Variants in PCDHA8 observed in about 807,000 individuals in gnomAD.
PCDHA8 encodes the protein protocadherin alpha 8, also known as protocadherin alpha-8.
In PCDHA8, 53 loss-of-function variants were observed where a neutral mutation model predicts 61.8. The observed-to-expected ratio is 0.86, with a 90% CI of 0.69 to 1.08. PCDHA8 has a LOEUF of 1.08. Among genes scored for constraint, PCDHA8 ranks in the 50% least tolerant of loss-of-function variants. PCDHA8 has a pLI of 0.00. For synonymous variants in PCDHA8, 618 were observed against 556.6 expected (o/e 1.11, Z -1.55); for missense variants, 1,293 against 1,245.0 (o/e 1.04, Z -0.58).
intron 1 of PCDHA8, among the ~76,000 whole-genome samples, chr5:140,944,059 T>C (rs190208662): frequency 6.6e-6 from 1 of 152,296 alleles, no homozygotes; most frequent in East Asian, 1.9e-4. Flanking sequence ...TACAAAAAGG[T>C]TTCTTGTTAA....
rs184537292 is a variant in PCDHA8, at chr5:140,970,210, C to T, written c.2395-8739C>T. Among the ~76,000 whole-genome samples, 8 of 152,308 alleles carry T rather than the reference C, an allele frequency of 5.3e-5. No homozygotes were observed. The East Asian group carries it at 1.5e-3, about 29-fold the overall frequency. On this transcript the variant is annotated intron_variant, in intron 1 of 3. Transcript: ENST00000531613. Reference sequence around the variant, plus strand: ...TGTAAGAGGATTTCCCTGAATTTAGCTTAAATGCAGCCTGTAATCTTCTGA... The same window carrying T: ...TGTAAGAGGATTTCCCTGAATTTAGTTTAAATGCAGCCTGTAATCTTCTGA...
rs114421153 is a variant in PCDHA8, at chr5:140,919,495, A to T, written c.2395-59454A>T. ...TATTTGGATTTATGTTTGTTATTTT[A>T]CTCCTTTTTCTATATGTTTTAATTC... On this transcript the variant is annotated intron_variant, in intron 1 of 3. Coordinates refer to ENST00000531613, the MANE Select transcript of PCDHA8 (RefSeq NM_018911.3). 4.5e-3 allele frequency among the ~76,000 whole-genome samples: 671 copies of T among 150,296 alleles called. 3 individuals are homozygous for T. Among genetic ancestry groups the T allele is most frequent in the African/African-American group, 0.016 (651 of 40,928 alleles).
intron 1 of PCDHA8, among the ~76,000 whole-genome samples, chr5:140,887,248 C>T (rs1232310514): frequency 6.6e-6 from 1 of 152,046 alleles, no homozygotes; most frequent in Non-Finnish European, 1.5e-5. Flanking sequence ...CGGCGCCCGC[C>T]ACCACGCCCT....
chr5:140,892,232 T>C (rs2063437812), intron 1 of PCDHA8, among the ~76,000 whole-genome samples: 1 of 152,176 alleles, frequency 6.6e-6, no homozygotes, highest in African/African-American at 2.4e-5. Context: ...GTGTTTTGTC[T>C]CCACATAAAC....
At chr5:140,917,875 T>TC (rs1459321723) in intron 1 of PCDHA8, among the ~76,000 whole-genome samples, 11 of 152,026 alleles carry the variant, frequency 7.2e-5, no homozygotes, top group Non-Finnish European at 7.4e-5. Context: ...CTATTTGGGC[T>TC]CTTTTTTTTT....
intron 2 of PCDHA8, 165 bp downstream of exon 2, chr5:140,979,172 G>A (rs1406119348): frequency 2.1e-6 from 2 of 959,890 alleles, no homozygotes; most frequent in Admixed American, 1.2e-4. Context: ...TTGAAAGATC[G>A]CAAATGGTCA....
intron 1 of PCDHA8, chr5:140,852,775 T>G (rs1554146101): frequency 1.0e-6 from 1 of 980,592 alleles, no homozygotes; most frequent in African/African-American, 1.8e-5. Context: ...TTATTTGATG[T>G]GAATAGAGGG....
At chr5:140,980,189 A>T (rs2096879459) in intron 2 of PCDHA8, among the ~76,000 whole-genome samples, 1 of 152,226 alleles carries the variant, frequency 6.6e-6, no homozygotes, top group African/African-American at 2.4e-5. Context: ...CTTTATATTT[A>T]TTAGAGACCA....
intron 1 of PCDHA8, among the ~76,000 whole-genome samples, chr5:140,906,606 G>A (rs2072783004): frequency 6.6e-6 from 1 of 152,208 alleles, no homozygotes; most frequent in Non-Finnish European, 1.5e-5. Context: ...TACTCATTCT[G>A]TATTCCCTTT....
chr5:140,984,960 CAG>C (rs1387655082), intron 3 of PCDHA8, among the ~76,000 whole-genome samples: 2 of 151,386 alleles, frequency 1.3e-5, no homozygotes, highest in African/African-American at 4.9e-5. Context: ...TTTTTTGAGA[CAG>C]AGTCTCGCTC....
intron 1 of PCDHA8, chr5:140,853,623 A>G: frequency 1.0e-6 from 1 of 988,442 alleles, no homozygotes; most frequent in Non-Finnish European, 1.2e-6. Context: ...AAATAAGTAT[A>G]CAAGATCACA....
In PCDHA8 at chr5:140,870,550, G is replaced by A. The variant is rs371515299; in HGVS notation, c.2394+26835G>A. On this transcript the variant is annotated intron_variant, in intron 1 of 3. Transcript: ENST00000531613. ...CACAGTGTCGGCGCGGGACGCGGAC[G>A]CGCAGGAGAACGCGCTGGTGTCCTA... 3.1e-6 allele frequency: 5 copies of A among 1,614,066 alleles called. No homozygotes were observed. In the African/African-American group the frequency reaches 6.7e-5, roughly 22 times the overall value.
intron 1 of PCDHA8, chr5:140,852,515 A>G (rs1258070118): frequency 9.7e-6 from 3 of 310,304 alleles, no homozygotes; most frequent in African/African-American, 6.9e-5. Flanking sequence ...TGACCTTGTG[A>G]TGCTCCCACC....
intron 1 of PCDHA8, chr5:140,926,694 G>T: frequency 4.0e-6 from 3 of 746,722 alleles, no homozygotes; most frequent in Non-Finnish European, 5.8e-6. Flanking sequence ...TAGCAAGCCC[G>T]GCTCCCAGCT....
At chr5:140,882,652 C>T (rs781900873) in intron 1 of PCDHA8, 1 of 1,614,216 alleles carries the variant, frequency 6.2e-7, no homozygotes, top group Non-Finnish European at 8.5e-7. Flanking sequence ...ACATTAACGA[C>T]AACCCGCCCA....
At chr5:140,846,050 C>T (rs2150384063) in intron 1 of PCDHA8, among the ~76,000 whole-genome samples, 1 of 149,776 alleles carries the variant, frequency 6.7e-6, no homozygotes, top group African/African-American at 2.4e-5. Flanking sequence ...GTTAACACCA[C>T]CTATGTGGGA....
chr5:141,000,419 A>ATTTTTT (rs1563652468), intron 3 of PCDHA8, among the ~76,000 whole-genome samples: 3 of 60,996 alleles, frequency 4.9e-5, no homozygotes, highest in African/African-American at 7.6e-5. Context: ...ATATATATAT[A>ATTTTTT]TATTTTTTTT....
chr5:140,970,471 G>T (rs773565871), intron 1 of PCDHA8, among the ~76,000 whole-genome samples: 1 of 152,142 alleles, frequency 6.6e-6, no homozygotes, highest in African/African-American at 2.4e-5. Context: ...TAGGTATAAG[G>T]CCAGCTTGTT....
intron 1 of PCDHA8, among the ~76,000 whole-genome samples, chr5:140,901,280 T>G (rs1554189719): frequency 1.3e-5 from 2 of 152,132 alleles, no homozygotes. Context: ...CTCAAGAAAT[T>G]TTTGCCCAGA....
Sources: gnomAD v4.1 joint callset for allele counts (sites outside exome capture counted in the v4.1 genomes callset) on GRCh38, gnomAD v4.1.1 for gene constraint, MANE v1.5 for transcripts, NCBI Gene and HGNC (gene_info 2026-07-23, HGNC 2026-07-21) for gene names.